The following SBK1 variants were observed in gnomAD, a reference collection of about 807,000 sequenced individuals.
SBK1 encodes serine/threonine-protein kinase SBK1.
In SBK1, 11 loss-of-function variants were observed where a neutral mutation model predicts 24.4. The observed-to-expected ratio is 0.45, with a 90% CI of 0.28 to 0.75. The LOEUF (loss-of-function observed/expected upper bound fraction) is 0.75. Ranked by LOEUF, SBK1 falls within the 30% of genes least tolerant of loss-of-function variation. The probability of loss-of-function intolerance (pLI) is 0.12; values close to 1 mark genes in which losing one functional copy is unlikely to be tolerated. For missense variants in SBK1, 467 were observed against 620.5 expected, an observed-to-expected ratio of 0.75 and a Z score of 2.63; for synonymous variants, 308 against 284.4, an observed-to-expected ratio of 1.08 and a Z score of -0.83.
In SBK1 at chr16:28,259,499, G is replaced by A. The variant is rs953039814; in HGVS notation, c.254G>A (p.Arg85Gln). 14 of 982,632 alleles carry A rather than the reference G, an allele frequency of 1.4e-5. No homozygotes were observed. The highest frequency in any genetic ancestry group is 5.2e-4 in the Middle Eastern group (1 of 1,932). The allele number at this position is 982,632 out of a possible 1,614,324, so 60.9% of individuals were successfully genotyped here. ...GAGCTGCTGGAAGAAGTCCCATTGC[G>A]GAGGTCAGTGCTCGTGGGTGGCCAG... Residue 85 changes from arginine (R) to glutamine (Q), a missense_variant, in exon 1 of 4, where the codon CGG (arginine) becomes CAG (glutamine). Physicochemically the swap from Arg to Gln is conservative, Grantham distance 43. Transcript: ENST00000671413. The surrounding 1 kb of genome is among the most constrained non-coding windows in gnomAD (Gnocchi z 6.0).
chr16:28,296,422 G>A (rs1242844253), intron 1 of SBK1, among the ~76,000 whole-genome samples: 1 of 152,078 alleles, frequency 6.6e-6, no homozygotes, highest in Non-Finnish European at 1.5e-5. Flanking sequence ...ATTTTGGGTA[G>A]AGACGAGGTT....
At position 28,259,820 on chromosome 16, in the gene SBK1, T is replaced by G. The variant is rs1332497722; in HGVS notation, c.257+318T>G. ...AACACTCGGCTGAGCATTCAAGGCC[T>G]GCGTGATTGGGGCCGACACTCCCCA... is the stretch of plus-strand genomic sequence containing the variant. On this transcript the variant is annotated intron_variant, in intron 1 of 3. Transcript: ENST00000671413. This position sits in a 1 kb window ranked among gnomAD's most constrained non-coding sequence, Gnocchi z 6.0. Among the ~76,000 whole-genome samples the G allele has an allele frequency of 1.3e-5, 2 of 152,104 alleles. No individual in the cohort carries two copies. The highest frequency in any genetic ancestry group is 2.9e-5 in the Non-Finnish European group (2 of 68,016).
Position 28,317,710 on chromosome 16 carries a change from GGCTCTCTGGT to G in SBK1, c.226+99_226+108del. On this transcript the variant is annotated intron_variant, in intron 2 of 3. Coordinates refer to ENST00000341901, the MANE Select transcript of SBK1 (RefSeq NM_001024401.3). The surrounding 1 kb of genome is among the most constrained non-coding windows in gnomAD (Gnocchi z 4.2). ...GGACATGACCTTGCAGCTGGGCCGG[GGCTCTCTGGT>G]GCTCTGTGGAAGCCAGGAGGCAGGG... 1 of 871,170 alleles carries G rather than the reference GGCTCTCTGGT, an allele frequency of 1.1e-6. No individual in the cohort carries two copies. Among genetic ancestry groups the G allele is most frequent in the Non-Finnish European group, 1.9e-6 (1 of 534,960 alleles). 54.0% of individuals were successfully genotyped at this position (871,170 alleles called of 1,614,324 possible). A position where few individuals can be genotyped will look rare whatever the true frequency, so the allele number is the denominator to read the frequency against.
At chr16:28,311,793 A>G (rs527941068) in intron 1 of SBK1, among the ~76,000 whole-genome samples, 3 of 152,288 alleles carry the variant, frequency 2.0e-5, no homozygotes, top group East Asian at 3.9e-4. Flanking sequence ...TGAACCTGAC[A>G]GTGGGGGGCA....
Position 28,321,137 on chromosome 16 carries a change from G to C in SBK1, c.*216G>C. On this transcript the variant is annotated 3_prime_UTR_variant, in exon 4 of 4. Transcript: ENST00000341901. ...GCCTGGTGAGCGGGGGCTTGGCCCA[G>C]AGGAGCCAAGCCGCACAGACCCGAG... The C allele has an allele frequency of 2.6e-6, 1 of 384,314 alleles. No individual in the cohort carries two copies. The highest frequency in any genetic ancestry group is 4.6e-6 in the Non-Finnish European group (1 of 216,552). 23.8% of individuals were successfully genotyped at this position (384,314 alleles called of 1,614,324 possible).
rs141324842 is a variant in SBK1 at position 28,274,034 on chromosome 16, G to A, written c.257+14532G>A. 3.0e-3 allele frequency among the ~76,000 whole-genome samples: 460 copies of A among 152,322 alleles called. 4 individuals are homozygous for A. Among genetic ancestry groups the A allele is most frequent in the African/African-American group, 0.011 (446 of 41,562 alleles). ...AAAACTAAAGAGAATAAAAAGATCA[G>A]TGGTTGCCAGGGGGCTGGCGGGAGA... On this transcript the variant is annotated intron_variant, in intron 1 of 3. Transcript: ENST00000671413.
chr16:28,320,694 C>T lies in SBK1; in HGVS notation c.1048C>T (p.Pro350Ser). ...GCCACTGCGCCTCGAGGCGCCTGGG[C>T]CGCTCAAGCGGACGGTGCTGACCGA... is the stretch of plus-strand genomic sequence containing the variant. ...AGPLRLEAPGPLKRTVLTESG... is the reference protein window; with the variant it reads ...AGPLRLEAPGSLKRTVLTESG... The change falls in exon 4 of 4, where the codon CCG becomes TCG. Residue 350 changes from proline (P) to serine (S), a missense_variant. By Grantham distance (74) the Pro-to-Ser change is moderately conservative (BLOSUM62 -1). Transcript: ENST00000341901. The surrounding 1 kb of genome is among the most constrained non-coding windows in gnomAD (Gnocchi z 8.5). 1.8e-6 allele frequency: 2 copies of T among 1,095,458 alleles called. No homozygotes were observed. The highest frequency in any genetic ancestry group is 2.2e-6 in the Non-Finnish European group (2 of 899,490). The allele number at this position is 1,095,458 out of a possible 1,614,324, so 67.9% of individuals were successfully genotyped here.
intron 1 of SBK1, among the ~76,000 whole-genome samples, chr16:28,280,208 T>C (rs1191318874): frequency 7.4e-6 from 1 of 136,050 alleles, no homozygotes; most frequent in Non-Finnish European, 1.6e-5. Context: ...TATATGTATA[T>C]ATACGTATAC....
At chr16:28,284,479 G>T (rs748842302) in intron 1 of SBK1, among the ~76,000 whole-genome samples, 2 of 152,236 alleles carry the variant, frequency 1.3e-5, no homozygotes, top group Non-Finnish European at 2.9e-5. Context: ...GCTTCCAGGG[G>T]CAATGGCCTC....
chr16:28,322,938 C>G lies in SBK1; in HGVS notation c.*2017C>G, dbSNP rs1266175889. ...GCGCGCGCTCTCTCTCTCCCTCTCTCTCTCTCTCTCTCTCTCTCTCTCTCT... is the reference window on the plus strand; with the variant it reads ...GCGCGCGCTCTCTCTCTCCCTCTCTGTCTCTCTCTCTCTCTCTCTCTCTCT... On this transcript the variant is annotated 3_prime_UTR_variant, in exon 4 of 4. Transcript: ENST00000341901. 3.4e-5 allele frequency: 1 copy of G among 29,376 alleles called. No homozygotes were observed. The highest frequency in any genetic ancestry group is 1.2e-4 in the African/African-American group (1 of 8,080). The allele number at this position is 29,376 out of a possible 1,614,324, so 1.8% of individuals were successfully genotyped here.
intron 1 of SBK1, among the ~76,000 whole-genome samples, chr16:28,316,004 G>C (rs1054003175): frequency 6.6e-6 from 1 of 152,082 alleles, no homozygotes; most frequent in African/African-American, 2.4e-5. Context: ...GACCTCAAGT[G>C]ATCCGCCCAC....
At chr16:28,273,264 A>G (rs1336900411) in intron 1 of SBK1, among the ~76,000 whole-genome samples, 1 of 151,118 alleles carries the variant, frequency 6.6e-6, no homozygotes, top group Non-Finnish European at 1.5e-5. Context: ...CTTATTGACC[A>G]AGCTAGAGTG....
At position 28,317,801 on chromosome 16, in the gene SBK1, G is replaced by A. The variant is rs2044808678; in HGVS notation, c.226+184G>A. On this transcript the variant is annotated intron_variant, in intron 2 of 3. Coordinates refer to ENST00000341901, the MANE Select transcript of SBK1 (RefSeq NM_001024401.3). The surrounding 1 kb of genome is among the most constrained non-coding windows in gnomAD (Gnocchi z 4.2). ...AGGCAGCCCAGGGGGAAAGAGACTG[G>A]GCAGATGGGGCAAGGGAGGAATCCG... is the stretch of plus-strand genomic sequence containing the variant. Among the ~76,000 whole-genome samples, 1 of 152,094 alleles carries A rather than the reference G, an allele frequency of 6.6e-6. No homozygotes were observed. Among genetic ancestry groups the A allele is most frequent in the South Asian group, 2.1e-4 (1 of 4,820 alleles).
In SBK1 at chr16:28,292,874, G is replaced by A. The variant is rs1442663159; in HGVS notation, c.-434G>A. On this transcript the variant is annotated 5_prime_UTR_variant, in exon 1 of 4. Coordinates refer to ENST00000341901, the MANE Select transcript of SBK1 (RefSeq NM_001024401.3). ...TTCCTCGGTATTTAGAAGACAGCAAGCCCCCTACGGCACCGCAAGGACTCC... is the reference window on the plus strand; with the variant it reads ...TTCCTCGGTATTTAGAAGACAGCAAACCCCCTACGGCACCGCAAGGACTCC... 11 of 982,208 alleles carry A rather than the reference G, an allele frequency of 1.1e-5. No homozygotes were observed. Among genetic ancestry groups the A allele is most frequent in the Admixed American group, 6.2e-5 (1 of 16,250 alleles). The allele number at this position is 982,208 out of a possible 1,614,324, so 60.8% of individuals were successfully genotyped here. A position where few individuals can be genotyped will look rare whatever the true frequency, so the allele number is the denominator to read the frequency against.
chr16:28,292,953 C>T lies in SBK1; in HGVS notation c.-355C>T. On this transcript the variant is annotated 5_prime_UTR_variant, in exon 1 of 4. Transcript: ENST00000341901. ...GACCTAGAACGCAGTGCCCCCAGGC[C>T]GGGATTGCGAGAACCCCCTCCCAAG... 1.0e-6 allele frequency: 1 copy of T among 975,426 alleles called. No homozygotes were observed. The highest frequency in any genetic ancestry group is 1.2e-6 in the Non-Finnish European group (1 of 820,930). The allele number at this position is 975,426 out of a possible 1,614,324, so 60.4% of individuals were successfully genotyped here. A position where few individuals can be genotyped will look rare whatever the true frequency, so the allele number is the denominator to read the frequency against.
chr16:28,281,320 G>A (rs1364905063), intron 1 of SBK1, among the ~76,000 whole-genome samples: 3 of 152,178 alleles, frequency 2.0e-5, no homozygotes, highest in Middle Eastern at 3.4e-3. Flanking sequence ...TGCCTCCTCC[G>A]GGCCAGCTCA....
intron 1 of SBK1, among the ~76,000 whole-genome samples, chr16:28,274,607 G>A (rs866517058): frequency 2.2e-4 from 33 of 152,200 alleles, no homozygotes; most frequent in Middle Eastern, 6.8e-3. Context: ...AGCCGAGATC[G>A]AGCCACTGCA....
chr16:28,319,371 A>C lies in SBK1; in HGVS notation c.429+174A>C, dbSNP rs376548497. Among the ~76,000 whole-genome samples, 20 of 152,264 alleles carry C rather than the reference A, an allele frequency of 1.3e-4. No homozygotes were observed. The East Asian group carries it at 2.1e-3, about 16-fold the overall frequency. ...TAAGGAAGACAAAAGTCCCTGTTCTAGTGGGAAACTGACACTCCACAGCGG... is the reference window on the plus strand; with the variant it reads ...TAAGGAAGACAAAAGTCCCTGTTCTCGTGGGAAACTGACACTCCACAGCGG... On this transcript the variant is annotated intron_variant, in intron 3 of 3. Coordinates refer to ENST00000341901, the MANE Select transcript of SBK1 (RefSeq NM_001024401.3). The surrounding 1 kb of genome is among the most constrained non-coding windows in gnomAD (Gnocchi z 4.0).
chr16:28,305,183 T>G (rs2044707290), intron 1 of SBK1, among the ~76,000 whole-genome samples: 1 of 152,098 alleles, frequency 6.6e-6, no homozygotes, highest in South Asian at 2.1e-4. Flanking sequence ...CTCACCTGCC[T>G]CAAGGTTTCT....
Sources: gnomAD v4.1 joint callset for allele counts (sites outside exome capture counted in the v4.1 genomes callset) on GRCh38, gnomAD v4.1.1 for gene constraint, Gnocchi (gnomAD v3.1) non-coding constraint, MANE v1.5 for transcripts, NCBI Gene and HGNC (gene_info 2026-07-23, HGNC 2026-07-21) for gene names.